The following SH3RF3 variants were observed in gnomAD, a reference collection of about 807,000 sequenced individuals.
SH3RF3 encodes E3 ubiquitin-protein ligase SH3RF3.
SH3RF3 carries 29 observed loss-of-function variants against 66.3 expected under a neutral mutation model. That is an observed-to-expected ratio of 0.44 (90% CI 0.33 to 0.60). SH3RF3 has a LOEUF of 0.60. Ranked by LOEUF, SH3RF3 falls within the 20% of genes least tolerant of loss-of-function variation. SH3RF3 has a pLI of 0.04. For synonymous variants in SH3RF3, 583 were observed against 532.0 expected (o/e 1.10, Z -1.32); for missense variants, 1,194 against 1,190.9 (o/e 1.00, Z -0.04).
At chr2:109,388,754 T>G (rs1675899294) in intron 3 of SH3RF3, among the ~76,000 whole-genome samples, 1 of 152,164 alleles carries the variant, frequency 6.6e-6, no homozygotes, top group Non-Finnish European at 1.5e-5. Flanking sequence ...TCCTCAGACC[T>G]CCAAGGATCA....
intron 5 of SH3RF3, among the ~76,000 whole-genome samples, chr2:109,425,721 T>A (rs1677011146): frequency 6.6e-6 from 1 of 151,764 alleles, no homozygotes. Flanking sequence ...CCTTTTAAAA[T>A]ATTACTGCTC....
chr2:109,199,176 G>A lies in SH3RF3; in HGVS notation c.573+69063G>A, dbSNP rs192254718. On this transcript the variant is annotated intron_variant, in intron 1 of 9. Coordinates refer to ENST00000309415, the MANE Select transcript of SH3RF3 (RefSeq NM_001099289.3). ...AGATCGAGACCATCCTGGCTAACAC[G>A]GTGAAACCCTGTCTGTACGAAAAAT... Among the ~76,000 whole-genome samples, 1,186 of 151,850 alleles carry A rather than the reference G, an allele frequency of 7.8e-3. 9 individuals carry two copies. Among genetic ancestry groups the A allele is most frequent in the East Asian group, 0.037 (188 of 5,132 alleles).
intron 1 of SH3RF3, among the ~76,000 whole-genome samples, chr2:109,171,719 C>T (rs1574486294): frequency 6.6e-6 from 1 of 152,264 alleles, no homozygotes; most frequent in Admixed American, 6.5e-5. Context: ...AGAGGCCCAG[C>T]CCCTGCGCCT....
chr2:109,182,389 C>T (rs1320081366), intron 1 of SH3RF3, among the ~76,000 whole-genome samples: 1 of 152,196 alleles, frequency 6.6e-6, no homozygotes, highest in Non-Finnish European at 1.5e-5. Flanking sequence ...CCCTCATGAC[C>T]TAATCACCTC....
intron 5 of SH3RF3, among the ~76,000 whole-genome samples, chr2:109,421,748 C>G (rs992651251): frequency 6.6e-6 from 1 of 152,148 alleles, no homozygotes; most frequent in African/African-American, 2.4e-5. Flanking sequence ...CTAAGGATGA[C>G]AAGGATTTAG....
At chr2:109,458,669 G>C (rs1678132589) in intron 8 of SH3RF3, among the ~76,000 whole-genome samples, 1 of 152,002 alleles carries the variant, frequency 6.6e-6, no homozygotes, top group Non-Finnish European at 1.5e-5. Flanking sequence ...GGGCAGCCCA[G>C]CAGGCTGGAC....
chr2:109,351,449 C>T (rs1466704173), intron 2 of SH3RF3, among the ~76,000 whole-genome samples: 1 of 152,258 alleles, frequency 6.6e-6, no homozygotes, highest in Non-Finnish European at 1.5e-5. Flanking sequence ...ATGTGAACTA[C>T]TCCATTGTTT....
intron 1 of SH3RF3, among the ~76,000 whole-genome samples, chr2:109,161,811 A>G (rs868106274): frequency 6.6e-6 from 1 of 151,952 alleles, no homozygotes; most frequent in African/African-American, 2.4e-5. Flanking sequence ...TAATCTATTC[A>G]TAGGGGATGC....
chr2:109,346,927 G>C (rs1682722930), intron 1 of SH3RF3, among the ~76,000 whole-genome samples: 1 of 152,140 alleles, frequency 6.6e-6, no homozygotes, highest in Non-Finnish European at 1.5e-5. Flanking sequence ...TGTCATGGTG[G>C]GGGGGTCTGT....
chr2:109,441,403 C>G (rs995192401), intron 7 of SH3RF3, among the ~76,000 whole-genome samples: 1 of 151,822 alleles, frequency 6.6e-6, no homozygotes, highest in African/African-American at 2.4e-5. Flanking sequence ...TGTGTGAGAT[C>G]AAGAATATAC....
At chr2:109,257,961 A>G (rs922555574) in intron 1 of SH3RF3, among the ~76,000 whole-genome samples, 28 of 151,594 alleles carry the variant, frequency 1.8e-4, no homozygotes, top group Admixed American at 8.6e-4. Flanking sequence ...TCACCATTCT[A>G]GCATTTCTTT....
intron 1 of SH3RF3, among the ~76,000 whole-genome samples, chr2:109,135,561 G>A (rs1339868503): frequency 6.6e-6 from 1 of 152,152 alleles, no homozygotes; most frequent in East Asian, 1.9e-4. Flanking sequence ...CTCTTATCAC[G>A]CGTGAGGCAC....
At chr2:109,464,018 C>T (rs1417404231) in intron 8 of SH3RF3, among the ~76,000 whole-genome samples, 1 of 152,170 alleles carries the variant, frequency 6.6e-6, no homozygotes, top group Non-Finnish European at 1.5e-5. Context: ...CCCCAATTCA[C>T]AGAACATAGC....
intron 2 of SH3RF3, among the ~76,000 whole-genome samples, chr2:109,351,406 T>A (rs931818815): frequency 6.6e-6 from 1 of 152,210 alleles, no homozygotes; most frequent in Admixed American, 6.5e-5. Context: ...ATAAATAAAT[T>A]GTGGAGCCTA....
intron 2 of SH3RF3, among the ~76,000 whole-genome samples, chr2:109,370,239 C>A (rs933577347): frequency 6.9e-6 from 1 of 145,478 alleles, no homozygotes; most frequent in African/African-American, 2.5e-5. Flanking sequence ...CTCTCTCTCT[C>A]TTTTTCTTTT....
At chr2:109,276,898 A>G (rs1680770738) in intron 1 of SH3RF3, among the ~76,000 whole-genome samples, 1 of 152,146 alleles carries the variant, frequency 6.6e-6, no homozygotes, top group Non-Finnish European at 1.5e-5. Context: ...TGAGATTAAG[A>G]GAGTAGAGAT....
At chr2:109,132,246 G>T (rs373094968) in intron 1 of SH3RF3, among the ~76,000 whole-genome samples, 3 of 151,930 alleles carry the variant, frequency 2.0e-5, no homozygotes, top group Admixed American at 2.0e-4. Flanking sequence ...GGCCAATTAG[G>T]GTATGTATAC....
chr2:109,493,184 C>T (rs1410688100), intron 9 of SH3RF3, among the ~76,000 whole-genome samples: 1 of 151,524 alleles, frequency 6.6e-6, no homozygotes, highest in Non-Finnish European at 1.5e-5. Flanking sequence ...CATGCAAACA[C>T]ACACACCACA....
At chr2:109,335,740 C>T (rs1282045563) in intron 1 of SH3RF3, among the ~76,000 whole-genome samples, 1 of 152,204 alleles carries the variant, frequency 6.6e-6, no homozygotes, top group Non-Finnish European at 1.5e-5. Context: ...CCGCACCCCA[C>T]AAGTAACGGG....
Sources: gnomAD v4.1 joint callset for allele counts (sites outside exome capture counted in the v4.1 genomes callset) on GRCh38, gnomAD v4.1.1 for gene constraint, MANE v1.5 for transcripts, NCBI Gene and HGNC (gene_info 2026-07-23, HGNC 2026-07-21) for gene names.